The following FBXL17 variants were observed in gnomAD, a reference collection of about 807,000 sequenced individuals.
FBXL17 encodes the protein F-box and leucine rich repeat protein 17.
FBXL17 carries 22 observed loss-of-function variants against 66.2 expected under a neutral mutation model. That is an observed-to-expected ratio of 0.33 (90% CI 0.24 to 0.47). FBXL17 has a LOEUF of 0.47. Among genes scored for constraint, FBXL17 ranks in the 20% least tolerant of loss-of-function variants. The pLI, the probability that FBXL17 is intolerant of heterozygous loss-of-function variation, is 1.00. For missense variants in FBXL17, 878 were observed against 948.2 expected (o/e 0.93, Z 0.97); for synonymous variants, 474 against 400.5 (o/e 1.18, Z -2.19).
intron 7 of FBXL17, among the ~76,000 whole-genome samples, chr5:107,897,311 T>A (rs891975962): frequency 1.3e-5 from 2 of 152,100 alleles, no homozygotes; most frequent in African/African-American, 4.8e-5. Flanking sequence ...ATAGGCTAAC[T>A]CTGTTTTGTG....
At chr5:108,128,119 G>T (rs148408198) in intron 6 of FBXL17, among the ~76,000 whole-genome samples, 1,972 of 152,112 alleles carry the variant, frequency 0.013, 19 homozygotes, top group Non-Finnish European at 0.02. Context: ...GGTGGTGCAT[G>T]CCTATAATCC....
intron 7 of FBXL17, among the ~76,000 whole-genome samples, chr5:108,007,336 A>C (rs937126332): frequency 5.3e-5 from 8 of 152,154 alleles, no homozygotes; most frequent in Admixed American, 4.6e-4. Context: ...CACACAACAG[A>C]AGCTCAGTTC....
intron 6 of FBXL17, among the ~76,000 whole-genome samples, chr5:108,053,200 T>C (rs536000392): frequency 6.6e-6 from 1 of 152,042 alleles, no homozygotes; most frequent in East Asian, 1.9e-4. Flanking sequence ...ACAAATGGGA[T>C]CTAATTAAAC....
At chr5:108,012,001 A>T (rs1754195053) in intron 7 of FBXL17, among the ~76,000 whole-genome samples, 1 of 152,224 alleles carries the variant, frequency 6.6e-6, no homozygotes, top group Non-Finnish European at 1.5e-5. Context: ...CTATGAAAGT[A>T]TCTCATTGAA....
chr5:107,896,454 T>C (rs1749384312), intron 7 of FBXL17, among the ~76,000 whole-genome samples: 1 of 151,994 alleles, frequency 6.6e-6, no homozygotes, highest in Non-Finnish European at 1.5e-5. Context: ...AACTAGAAGG[T>C]GAGTATTGTG....
chr5:107,925,894 C>T (rs1750509315), intron 7 of FBXL17, among the ~76,000 whole-genome samples: 1 of 152,154 alleles, frequency 6.6e-6, no homozygotes, highest in Non-Finnish European at 1.5e-5. Flanking sequence ...ACTACTAATA[C>T]TAAAAGAAGG....
At chr5:108,188,752 G>GC (rs1348375655) in intron 5 of FBXL17, among the ~76,000 whole-genome samples, 2 of 152,008 alleles carry the variant, frequency 1.3e-5, no homozygotes, top group Non-Finnish European at 2.9e-5. Context: ...TCAATACTAA[G>GC]CCCAGGGCTC....
chr5:108,368,460 CA>C (rs1416639796), intron 1 of FBXL17, among the ~76,000 whole-genome samples: 1 of 151,854 alleles, frequency 6.6e-6, no homozygotes, highest in African/African-American at 2.4e-5. Context: ...GTATCTTTTC[CA>C]AAATATTCAT....
At chr5:108,064,581 T>C (rs549796166) in intron 6 of FBXL17, among the ~76,000 whole-genome samples, 2 of 152,336 alleles carry the variant, frequency 1.3e-5, no homozygotes, top group Non-Finnish European at 2.9e-5. Context: ...GATTTTGCTC[T>C]TATAGAGAAA....
At chr5:108,277,641 A>G (rs1757536775) in intron 4 of FBXL17, among the ~76,000 whole-genome samples, 1 of 152,196 alleles carries the variant, frequency 6.6e-6, no homozygotes, top group Non-Finnish European at 1.5e-5. Context: ...CTCAGTCTGA[A>G]GCAAGAAGCA....
At chr5:107,887,547 A>G (rs1749015165) in intron 7 of FBXL17, among the ~76,000 whole-genome samples, 1 of 152,246 alleles carries the variant, frequency 6.6e-6, no homozygotes, top group Non-Finnish European at 1.5e-5. Flanking sequence ...TAATACTTCG[A>G]TAAAAGCCAT....
At chr5:108,332,579 G>T (rs989752693) in intron 4 of FBXL17, among the ~76,000 whole-genome samples, 3 of 152,068 alleles carry the variant, frequency 2.0e-5, no homozygotes, top group Non-Finnish European at 4.4e-5. Flanking sequence ...TCCGTCAGAG[G>T]TAGTTCAGGA....
intron 7 of FBXL17, among the ~76,000 whole-genome samples, chr5:107,931,520 T>C (rs1347438605): frequency 6.6e-6 from 1 of 151,796 alleles, no homozygotes; most frequent in African/African-American, 2.4e-5. Flanking sequence ...CTCAGCCTCC[T>C]CCCAAAGTGC....
At chr5:108,074,197 G>T (rs1445621623) in intron 6 of FBXL17, among the ~76,000 whole-genome samples, 2 of 152,162 alleles carry the variant, frequency 1.3e-5, no homozygotes, top group East Asian at 1.9e-4. Flanking sequence ...TGTGACCTTT[G>T]ATATTTTGGG....
intron 6 of FBXL17, among the ~76,000 whole-genome samples, chr5:108,183,753 T>A (rs1753109204): frequency 1.3e-5 from 2 of 152,116 alleles, no homozygotes. Flanking sequence ...ATGTCCATTA[T>A]ACCACTCTAT....
At chr5:108,361,903 C>G (rs1748362920) in intron 3 of FBXL17, among the ~76,000 whole-genome samples, 1 of 152,152 alleles carries the variant, frequency 6.6e-6, no homozygotes, top group South Asian at 2.1e-4. Context: ...ACACTGGGAA[C>G]TCGGACTGCT....
In FBXL17 at chr5:108,213,434, G is replaced by A. The variant is rs367907308; in HGVS notation, c.1614+10687C>T. Among the ~76,000 whole-genome samples the A allele has an allele frequency of 8.5e-5, 13 of 152,202 alleles. No individual in the cohort carries two copies. The South Asian group carries it at 1.5e-3, about 17-fold the overall frequency. ...CCAGAGCCCTGGTGGCATAGGCACC[G>A]CAGGGAATCTCCTGGTTTGCAGATT... is the stretch of plus-strand genomic sequence containing the variant. On this transcript the variant is annotated intron_variant, in intron 5 of 8. Transcript: ENST00000542267.
intron 4 of FBXL17, among the ~76,000 whole-genome samples, chr5:108,232,285 G>A (rs181360064): frequency 2.6e-5 from 4 of 152,250 alleles, no homozygotes; most frequent in Non-Finnish European, 5.9e-5. Flanking sequence ...TGTGTTTCCA[G>A]TTGTACAAAG....
chr5:108,172,937 T>C (rs1752663349), intron 6 of FBXL17, among the ~76,000 whole-genome samples: 1 of 152,080 alleles, frequency 6.6e-6, no homozygotes, highest in Non-Finnish European at 1.5e-5. Context: ...GAAGCTGGGA[T>C]TACAGGTGTG....
Sources: gnomAD v4.1 joint callset for allele counts (sites outside exome capture counted in the v4.1 genomes callset) on GRCh38, gnomAD v4.1.1 for gene constraint, MANE v1.5 for transcripts, NCBI Gene and HGNC (gene_info 2026-07-23, HGNC 2026-07-21) for gene names.